TRIO: variants seen among roughly 807,000 people sequenced by gnomAD.
The protein encoded by TRIO is triple functional domain protein.
A neutral mutation model predicts 351.9 loss-of-function variants in TRIO; 58 were observed. That is an observed-to-expected ratio of 0.16 (90% CI 0.13 to 0.21). The LOEUF is 0.21. Ranked by LOEUF, TRIO falls within the 10% of genes least tolerant of loss-of-function variation. The pLI, the probability that TRIO is intolerant of heterozygous loss-of-function variation, is 1.00. For synonymous variants in TRIO, 1,758 were observed against 1,595.7 expected (o/e 1.10, Z -2.42); for missense variants, 3,201 against 4,027.8 (o/e 0.79, Z 5.56).
intron 2 of TRIO, among the ~76,000 whole-genome samples, chr5:14,273,907 G>A (rs991172408): frequency 4.6e-5 from 7 of 152,200 alleles, no homozygotes; most frequent in Non-Finnish European, 8.8e-5. Context: ...AAATAGTATA[G>A]TGAATTTGTA....
At chr5:14,459,909 C>CT (rs926658009) in intron 34 of TRIO, among the ~76,000 whole-genome samples, 5 of 151,812 alleles carry the variant, frequency 3.3e-5, no homozygotes, top group African/African-American at 9.7e-5. Context: ...CATTTCTTTT[C>CT]TTTTTTTTCT....
intron 42 of TRIO, 99 bp from the exon 43 acceptor site, chr5:14,479,820 T>G: frequency 9.3e-7 from 1 of 1,073,290 alleles, no homozygotes; most frequent in Non-Finnish European, 1.4e-6. Context: ...CTCGTTACTT[T>G]TACTGCCAGT....
At chr5:14,316,000 A>G (rs1739350112) in intron 8 of TRIO, among the ~76,000 whole-genome samples, 1 of 152,376 alleles carries the variant, frequency 6.6e-6, no homozygotes, top group South Asian at 2.1e-4. Flanking sequence ...AAGTTTAAGT[A>G]CATATTCTAT....
chr5:14,421,593 G>T (rs1750162081), intron 34 of TRIO, among the ~76,000 whole-genome samples: 3 of 134,966 alleles, frequency 2.2e-5, no homozygotes, highest in African/African-American at 9.6e-5. Context: ...AACAGAGCAA[G>T]ACTCCATCTG....
intron 4 of TRIO, 98 bp downstream of exon 4, chr5:14,287,161 T>G: frequency 8.5e-7 from 1 of 1,174,562 alleles, no homozygotes; most frequent in African/African-American, 1.5e-5. Flanking sequence ...AACCACATAT[T>G]AAACAGGAGC....
chr5:14,281,092 C>T (rs939506472), intron 3 of TRIO, among the ~76,000 whole-genome samples: 8 of 152,122 alleles, frequency 5.3e-5, no homozygotes, highest in Admixed American at 1.3e-4. Context: ...ATGTATTACT[C>T]GAGTTTAATT....
At chr5:14,339,617 A>C (rs1469114806) in intron 11 of TRIO, among the ~76,000 whole-genome samples, 2 of 152,188 alleles carry the variant, frequency 1.3e-5, no homozygotes, top group African/African-American at 4.8e-5. Context: ...ACCTGGGACC[A>C]AGGAGGGATC....
At position 14,280,373 on chromosome 5, in the gene TRIO, A is replaced by G. The variant is rs1481458428; in HGVS notation, c.284A>G (p.Asn95Ser). The G allele has an allele frequency of 4.3e-6, 7 of 1,614,022 alleles. No individual in the cohort carries two copies. Among genetic ancestry groups the G allele is most frequent in the East Asian group, 2.2e-5 (1 of 44,894 alleles). Residue 95 changes from asparagine (N) to serine (S), a missense_variant, in exon 3 of 57, where the codon AAT becomes AGT. Physicochemically the swap from Asn to Ser is conservative, Grantham distance 46. This residue lies in a region of TRIO where 109 missense variants were observed against 134.6 expected (regional missense o/e 0.81). Coordinates refer to ENST00000344204, the MANE Select transcript of TRIO (RefSeq NM_007118.4). ...ATTTTAACGTTTCCGGCCCGCAGCA[A>G]TCATGACAGAATACGACAGGAGGAT... Reference protein sequence around the residue: ...GPILTFPARSNHDRIRQEDLR... With the variant: ...GPILTFPARSSHDRIRQEDLR...
rs190080646 is a variant in TRIO at position 14,326,914 on chromosome 5, T to G, written c.1732-3864T>G. ...GGTTTTGAATATTAGCTGGATTTCA[T>G]AGCTGTCTGCAATTATTTATTATTA... On this transcript the variant is annotated intron_variant, in intron 9 of 56. Transcript: ENST00000344204. Among the ~76,000 whole-genome samples, 28 of 152,368 alleles carry G rather than the reference T, an allele frequency of 1.8e-4. No individual in the cohort carries two copies. In the East Asian group the frequency reaches 5.4e-3, roughly 29 times the overall value.
chr5:14,337,969 T>C (rs1285958129), intron 11 of TRIO, among the ~76,000 whole-genome samples: 1 of 152,228 alleles, frequency 6.6e-6, no homozygotes, highest in Admixed American at 6.5e-5. Flanking sequence ...CTAACTTCTT[T>C]TCCTGCTCCT....
intron 2 of TRIO, among the ~76,000 whole-genome samples, chr5:14,271,667 T>G (rs1350370041): frequency 6.6e-6 from 1 of 152,232 alleles, no homozygotes; most frequent in East Asian, 1.9e-4. Context: ...TTCTGCTCTA[T>G]CAGGAAGTAC....
chr5:14,207,262 T>TCCACACACAC (rs368009449), intron 1 of TRIO, among the ~76,000 whole-genome samples: 1 of 46,068 alleles, frequency 2.2e-5, no homozygotes, highest in African/African-American at 8.9e-5. Flanking sequence ...AGATGGTCTC[T>TCCACACACAC]ACACACACAC....
intron 1 of TRIO, among the ~76,000 whole-genome samples, chr5:14,227,156 G>A (rs1043705046): frequency 1.3e-5 from 2 of 152,144 alleles, no homozygotes; most frequent in African/African-American, 2.4e-5. Context: ...TTCCGCACCC[G>A]CAGTCCTTGA....
chr5:14,320,418 G>A (rs1739775932), intron 9 of TRIO, among the ~76,000 whole-genome samples: 1 of 152,036 alleles, frequency 6.6e-6, no homozygotes, highest in Non-Finnish European at 1.5e-5. Flanking sequence ...GCAGTGAGTG[G>A]CCCCATGTGT....
Position 14,209,840 on chromosome 5 carries a change from C to T in TRIO, c.158-60985C>T, listed in dbSNP as rs548497087. On this transcript the variant is annotated intron_variant, in intron 1 of 56. Transcript: ENST00000344204. ...TTGTCAGGAGATTTTTTATCAGACT[C>T]AGATCTTCTGGTGAGAGGAATTTAG... Among the ~76,000 whole-genome samples, 17 of 152,346 alleles carry T rather than the reference C, an allele frequency of 1.1e-4. No individual in the cohort carries two copies. In the South Asian group the frequency reaches 3.5e-3, roughly 32 times the overall value.
intron 1 of TRIO, among the ~76,000 whole-genome samples, chr5:14,251,419 TCCGAGATTCTTAAACTA>T (rs1196630501): frequency 6.6e-6 from 1 of 152,178 alleles, no homozygotes; most frequent in Non-Finnish European, 1.5e-5. Flanking sequence ...GGCACCCAAA[TCCGAGATTCTTAAACTA>T]CCATGGTCTT....
At chr5:14,401,583 C>G (rs959947289) in intron 31 of TRIO, among the ~76,000 whole-genome samples, 1 of 152,174 alleles carries the variant, frequency 6.6e-6, no homozygotes, top group Non-Finnish European at 1.5e-5. Context: ...GGGTTTGATA[C>G]TGTTATGATT....
At chr5:14,319,487 TAAATG>T (rs1363363691) in intron 9 of TRIO, among the ~76,000 whole-genome samples, 1 of 152,152 alleles carries the variant, frequency 6.6e-6, no homozygotes, top group African/African-American at 2.4e-5. Context: ...AAGTCAAGAA[TAAATG>T]AAAGAAAAAT....
chr5:14,461,418 G>A lies in TRIO; in HGVS notation c.5496+107G>A, dbSNP rs1008585621. On this transcript the variant is annotated intron_variant, in intron 35 of 56. Transcript: ENST00000344204. ...GTAAACTGGTTTGGTTCTGTTTTCC[G>A]CACTTACTCAGAAATTACCATTCAA... 16 of 1,363,406 alleles carry A rather than the reference G, an allele frequency of 1.2e-5. No homozygotes were observed. In the African/African-American group the frequency reaches 1.2e-4, roughly 10 times the overall value. 84.5% of individuals were successfully genotyped at this position (1,363,406 alleles called of 1,614,324 possible). A position where few individuals can be genotyped will look rare whatever the true frequency, so the allele number is the denominator to read the frequency against.
Sources: gnomAD v4.1 joint callset for allele counts (sites outside exome capture counted in the v4.1 genomes callset) on GRCh38, gnomAD v4.1.1 for gene constraint, gnomAD v4.1.1 regional missense constraint, MANE v1.5 for transcripts, NCBI Gene and HGNC (gene_info 2026-07-23, HGNC 2026-07-21) for gene names.